The following JAZF1 variants were observed in gnomAD, a reference collection of about 807,000 sequenced individuals.
JAZF1 encodes juxtaposed with another zinc finger protein 1.
JAZF1 carries 8 observed loss-of-function variants against 26.4 expected under a neutral mutation model. That is an observed-to-expected ratio of 0.30 (90% CI 0.18 to 0.55). JAZF1 has a LOEUF of 0.55. Ranked by LOEUF, JAZF1 falls within the 20% of genes least tolerant of loss-of-function variation. JAZF1 has a pLI of 0.94. For synonymous variants in JAZF1, 126 were observed against 122.3 expected (o/e 1.03, Z -0.20); for missense variants, 199 against 322.0 (o/e 0.62, Z 2.92).
intron 2 of JAZF1, among the ~76,000 whole-genome samples, chr7:27,909,760 C>T (rs1784329545): frequency 6.6e-6 from 1 of 152,078 alleles, no homozygotes; most frequent in South Asian, 2.1e-4. Flanking sequence ...ACAACCGCCA[C>T]AATGTCAATA....
chr7:28,018,391 G>T (rs1177597122), intron 1 of JAZF1, among the ~76,000 whole-genome samples: 1 of 152,176 alleles, frequency 6.6e-6, no homozygotes, highest in Non-Finnish European at 1.5e-5. Context: ...GAAAGACACA[G>T]GACAGTCTTA....
chr7:28,056,234 A>G (rs1402342481), intron 1 of JAZF1, among the ~76,000 whole-genome samples: 1 of 152,096 alleles, frequency 6.6e-6, no homozygotes, highest in Non-Finnish European at 1.5e-5. Context: ...AAACTAAAGC[A>G]TAAATGAGCA....
At chr7:28,071,234 C>A (rs557991336) in intron 1 of JAZF1, among the ~76,000 whole-genome samples, 49 of 152,312 alleles carry the variant, frequency 3.2e-4, no homozygotes, top group African/African-American at 1.1e-3. Context: ...CCAAAAGAGA[C>A]TGTTCTAAGT....
chr7:27,902,764 C>T (rs1784186564), intron 2 of JAZF1, among the ~76,000 whole-genome samples: 1 of 152,128 alleles, frequency 6.6e-6, no homozygotes, highest in Admixed American at 6.5e-5. Flanking sequence ...CGCCTGTAAT[C>T]CCAGCACTTT....
chr7:27,895,963 C>G (rs1375153806), intron 2 of JAZF1, among the ~76,000 whole-genome samples: 1 of 152,032 alleles, frequency 6.6e-6, no homozygotes, highest in East Asian at 1.9e-4. Context: ...CTAATTGAGT[C>G]CTTGCTTCCC....
At chr7:27,955,291 G>C (rs1237578518) in intron 2 of JAZF1, among the ~76,000 whole-genome samples, 1 of 152,212 alleles carries the variant, frequency 6.6e-6, no homozygotes, top group Non-Finnish European at 1.5e-5. Context: ...AATTCAGTGT[G>C]TTTTTAGAAA....
chr7:28,031,568 G>A (rs1172108675), intron 1 of JAZF1, among the ~76,000 whole-genome samples: 5 of 152,154 alleles, frequency 3.3e-5, no homozygotes, highest in Admixed American at 2.0e-4. Context: ...GTACATGTAC[G>A]TTTGTGTATG....
chr7:27,840,926 C>A lies in JAZF1; in HGVS notation c.386-59G>T. 6.4e-7 allele frequency: 1 copy of A among 1,569,670 alleles called. No homozygotes were observed. Among genetic ancestry groups the A allele is most frequent in the Non-Finnish European group, 8.7e-7 (1 of 1,149,886 alleles). ...AGCGCTCATCTCCCCACAGGTTCAC[C>A]CGGCCACTTCCAGGACAGGAGATGT... On this transcript the variant is annotated intron_variant, in intron 3 of 4. Coordinates refer to ENST00000283928, the MANE Select transcript of JAZF1 (RefSeq NM_175061.4). The surrounding 1 kb of genome is among the most constrained non-coding windows in gnomAD (Gnocchi z 5.1).
chr7:27,992,656 T>C (rs1785927641), intron 1 of JAZF1, among the ~76,000 whole-genome samples: 3 of 152,200 alleles, frequency 2.0e-5, no homozygotes, highest in African/African-American at 7.2e-5. Flanking sequence ...ACTTTTTTCA[T>C]AGCCAGAAAT....
chr7:28,131,759 A>G (rs916523190), intron 1 of JAZF1, among the ~76,000 whole-genome samples: 9 of 152,148 alleles, frequency 5.9e-5, no homozygotes, highest in African/African-American at 2.2e-4. Context: ...ATATTGCCTA[A>G]TTTTTCTAAG....
intron 1 of JAZF1, among the ~76,000 whole-genome samples, chr7:28,084,754 G>C (rs1450036802): frequency 6.6e-6 from 1 of 152,182 alleles, no homozygotes; most frequent in Non-Finnish European, 1.5e-5. Flanking sequence ...TCACACAAGA[G>C]GCAATTTATG....
At chr7:28,033,038 C>T (rs1405605552) in intron 1 of JAZF1, among the ~76,000 whole-genome samples, 1 of 152,148 alleles carries the variant, frequency 6.6e-6, no homozygotes, top group East Asian at 1.9e-4. Context: ...ATTACTACAG[C>T]ACCTTGCAAA....
chr7:28,049,543 G>A (rs1783576191), intron 1 of JAZF1, among the ~76,000 whole-genome samples: 1 of 152,086 alleles, frequency 6.6e-6, no homozygotes, highest in Admixed American at 6.6e-5. Flanking sequence ...ATCAGAGTTA[G>A]TGTCAGTTCC....
At chr7:27,966,742 A>G (rs1219166222) in intron 2 of JAZF1, among the ~76,000 whole-genome samples, 1 of 152,224 alleles carries the variant, frequency 6.6e-6, no homozygotes, top group African/African-American at 2.4e-5. Flanking sequence ...CTTTGAATAA[A>G]CAAAATTCTT....
chr7:27,872,993 C>T (rs1351201687), intron 3 of JAZF1, among the ~76,000 whole-genome samples: 1 of 152,114 alleles, frequency 6.6e-6, no homozygotes, highest in African/African-American at 2.4e-5. Flanking sequence ...GTGTAAAAAA[C>T]CAGAGCCATT....
At chr7:28,145,150 A>G (rs558308636) in intron 1 of JAZF1, among the ~76,000 whole-genome samples, 22 of 152,372 alleles carry the variant, frequency 1.4e-4, no homozygotes, top group Non-Finnish European at 2.2e-4. Context: ...AATTAAAAAA[A>G]TAAACCTAGA....
At chr7:27,845,387 C>G (rs1783001085) in intron 3 of JAZF1, among the ~76,000 whole-genome samples, 1 of 152,136 alleles carries the variant, frequency 6.6e-6, no homozygotes. Context: ...ATCCCACGCT[C>G]ATCTTGGTGT....
At chr7:28,154,443 T>C (rs554082523) in intron 1 of JAZF1, among the ~76,000 whole-genome samples, 5 of 152,194 alleles carry the variant, frequency 3.3e-5, no homozygotes, top group Non-Finnish European at 7.3e-5. Flanking sequence ...CAAGATCCTC[T>C]GGTCAAACTT....
At chr7:27,875,083 G>A (rs966039802) in intron 3 of JAZF1, among the ~76,000 whole-genome samples, 6 of 152,156 alleles carry the variant, frequency 3.9e-5, no homozygotes, top group Non-Finnish European at 8.8e-5. Context: ...AGTGATTTAA[G>A]ACCATGTCTT....
Sources: gnomAD v4.1 joint callset for allele counts (sites outside exome capture counted in the v4.1 genomes callset) on GRCh38, gnomAD v4.1.1 for gene constraint, Gnocchi (gnomAD v3.1) non-coding constraint, MANE v1.5 for transcripts, NCBI Gene and HGNC (gene_info 2026-07-23, HGNC 2026-07-21) for gene names.